SDK1: variants seen among roughly 807,000 people sequenced by gnomAD.
SDK1 encodes the protein protein sidekick-1.
In SDK1, 157 loss-of-function variants were observed where a neutral mutation model predicts 245.5. The ratio of observed to expected loss-of-function variants is 0.64; its 90% CI spans 0.56 to 0.73. The LOEUF is 0.73. Among genes scored for constraint, SDK1 ranks in the 30% least tolerant of loss-of-function variants. The probability of loss-of-function intolerance (pLI) is 0.00; values close to 1 mark genes in which losing one functional copy is unlikely to be tolerated. For missense variants in SDK1, 3,583 were observed against 3,002.3 expected (o/e 1.19, Z -4.52); for synonymous variants, 1,647 against 1,278.5 (o/e 1.29, Z -6.15).
chr7:3,905,806 G>A (rs1044665539), intron 5 of SDK1, among the ~76,000 whole-genome samples: 10 of 151,804 alleles, frequency 6.6e-5, no homozygotes, highest in Non-Finnish European at 1.3e-4. Flanking sequence ...AAAAAAATGT[G>A]GAGATAAGTG....
chr7:3,951,955 T>A, intron 7 of SDK1, 35 bp downstream of exon 7: 1 of 1,574,106 alleles, frequency 6.4e-7, no homozygotes, highest in Non-Finnish European at 8.6e-7. Flanking sequence ...GTTGCCAGCA[T>A]CTCAGATAGC....
chr7:3,884,075 G>GT (rs1245065311), intron 5 of SDK1, among the ~76,000 whole-genome samples: 1 of 138,978 alleles, frequency 7.2e-6, no homozygotes, highest in Admixed American at 7.3e-5. Flanking sequence ...TTGTTTGTTT[G>GT]TTTTTTTGTT....
chr7:3,865,692 T>G (rs1780804419), intron 5 of SDK1, among the ~76,000 whole-genome samples: 1 of 151,722 alleles, frequency 6.6e-6, no homozygotes, highest in South Asian at 2.1e-4. Flanking sequence ...TCTTTTTTTT[T>G]TTTTTAGAAA....
Position 3,529,857 on chromosome 7 carries a change from G to C in SDK1, c.299-89223G>C, listed in dbSNP as rs895245170. ...ATACTGAGATGGGCACCGCATCCTT[G>C]CTGACAAAATTGTATTCCTGACGAC... On this transcript the variant is annotated intron_variant, in intron 1 of 44. Coordinates refer to ENST00000404826, the MANE Select transcript of SDK1 (RefSeq NM_152744.4). Among the ~76,000 whole-genome samples, 3 of 152,110 alleles carry C rather than the reference G, an allele frequency of 2.0e-5. 1 individual carries two copies. The highest frequency in any genetic ancestry group is 7.2e-5 in the African/African-American group (3 of 41,414).
At position 3,617,353 on chromosome 7, in the gene SDK1, C is replaced by A. The variant is rs1562605526; in HGVS notation, c.299-1727C>A. Among the ~76,000 whole-genome samples, 4 of 152,260 alleles carry A rather than the reference C, an allele frequency of 2.6e-5. No homozygotes were observed. The South Asian group carries it at 8.3e-4, about 32-fold the overall frequency. On this transcript the variant is annotated intron_variant, in intron 1 of 44. Transcript: ENST00000404826. Reference sequence around the variant, plus strand: ...CCTACAAACACTTTAATTTCAGTATCTGATAACTATTGTAAATGGAATAAA... The same window carrying A: ...CCTACAAACACTTTAATTTCAGTATATGATAACTATTGTAAATGGAATAAA...
At chr7:4,143,954 C>T (rs898863469) in intron 28 of SDK1, among the ~76,000 whole-genome samples, 29 of 152,308 alleles carry the variant, frequency 1.9e-4, no homozygotes, top group African/African-American at 6.7e-4. Context: ...GCTGTGGTCA[C>T]GCTCTCCTCA....
At chr7:3,577,547 C>G (rs1050389899) in intron 1 of SDK1, among the ~76,000 whole-genome samples, 3 of 152,016 alleles carry the variant, frequency 2.0e-5, no homozygotes, top group African/African-American at 4.8e-5. Flanking sequence ...GGGTAACCTT[C>G]TGTGCAGTAG....
intron 2 of SDK1, among the ~76,000 whole-genome samples, chr7:3,635,709 T>G (rs1021175752): frequency 6.6e-6 from 1 of 151,462 alleles, no homozygotes; most frequent in Non-Finnish European, 1.5e-5. Context: ...GAGCTCCTTT[T>G]CTTTTCTTTT....
chr7:3,987,638 C>A (rs942767647), intron 14 of SDK1, among the ~76,000 whole-genome samples: 1 of 152,156 alleles, frequency 6.6e-6, no homozygotes, highest in Non-Finnish European at 1.5e-5. Flanking sequence ...GTTAACAATG[C>A]CTGCCACCTG....
intron 38 of SDK1, among the ~76,000 whole-genome samples, chr7:4,214,467 C>T (rs1429530962): frequency 6.6e-6 from 1 of 152,192 alleles, no homozygotes; most frequent in Non-Finnish European, 1.5e-5. Context: ...GTTCCTTCAT[C>T]CTGGATTTTC....
chr7:3,723,780 A>G (rs1778902724), intron 4 of SDK1, among the ~76,000 whole-genome samples: 1 of 149,486 alleles, frequency 6.7e-6, no homozygotes, highest in Non-Finnish European at 1.5e-5. Context: ...ACACGTGTAT[A>G]TACACGTACT....
intron 4 of SDK1, among the ~76,000 whole-genome samples, chr7:3,668,815 A>G (rs1007971346): frequency 1.3e-5 from 2 of 152,132 alleles, no homozygotes; most frequent in African/African-American, 4.8e-5. Context: ...AAAATACTAT[A>G]TTGCCTTTTA....
At chr7:3,691,052 C>G (rs1784425836) in intron 4 of SDK1, among the ~76,000 whole-genome samples, 1 of 152,072 alleles carries the variant, frequency 6.6e-6, no homozygotes, top group Non-Finnish European at 1.5e-5. Context: ...AAAAAATTTT[C>G]AACTTATTAG....
intron 6 of SDK1, among the ~76,000 whole-genome samples, chr7:3,951,290 C>G (rs763040568): frequency 6.6e-6 from 1 of 152,146 alleles, no homozygotes; most frequent in African/African-American, 2.4e-5. Context: ...CTGAGATCCT[C>G]TCTAGGGAAG....
chr7:3,383,680 T>A (rs1781544267), intron 1 of SDK1, among the ~76,000 whole-genome samples: 1 of 152,186 alleles, frequency 6.6e-6, no homozygotes, highest in Non-Finnish European at 1.5e-5. Flanking sequence ...ATTACACGAC[T>A]GAGAAAAATA....
chr7:3,678,676 G>C (rs567080296), intron 4 of SDK1, among the ~76,000 whole-genome samples: 2 of 152,190 alleles, frequency 1.3e-5, no homozygotes, highest in East Asian at 3.9e-4. Flanking sequence ...TTTCTGTTTG[G>C]GATGAAGAAA....
In SDK1 at chr7:4,174,331, C is replaced by G. The variant is rs778359629; in HGVS notation, c.4910C>G (p.Pro1637Arg). 2.5e-6 allele frequency: 4 copies of G among 1,613,784 alleles called. No individual in the cohort carries two copies. The African/African-American group carries it at 4.0e-5, about 16-fold the overall frequency. ...SGTEAKTLKNPIALHAELTAQ... is the reference protein window; with the variant it reads ...SGTEAKTLKNRIALHAELTAQ... ...ACTGAGGCCAAGACGCTCAAAAACC[C>G]TATAGCTTTACATGCTGAGCTCACA... The change falls in exon 33 of 45, where the codon CCT becomes CGT. Residue 1637 changes from proline to arginine, a missense_variant. Coordinates refer to ENST00000404826, the MANE Select transcript of SDK1 (RefSeq NM_152744.4).
chr7:3,523,019 A>C (rs1782995618), intron 1 of SDK1, among the ~76,000 whole-genome samples: 1 of 32,890 alleles, frequency 3.0e-5, no homozygotes, highest in Non-Finnish European at 6.0e-5. Context: ...TTAATACAAA[A>C]TCGTAAATTG....
chr7:3,735,964 T>C (rs2115046133), intron 4 of SDK1, among the ~76,000 whole-genome samples: 1 of 152,342 alleles, frequency 6.6e-6, no homozygotes, highest in Admixed American at 6.5e-5. Flanking sequence ...TCTCATATGC[T>C]TTTTGCTCTT....
Sources: gnomAD v4.1 joint callset for allele counts (sites outside exome capture counted in the v4.1 genomes callset) on GRCh38, gnomAD v4.1.1 for gene constraint, MANE v1.5 for transcripts, NCBI Gene and HGNC (gene_info 2026-07-23, HGNC 2026-07-21) for gene names.